Variants in RAPGEFL1 observed in about 807,000 individuals in gnomAD.
RAPGEFL1 encodes Rap guanine nucleotide exchange factor like 1.
In RAPGEFL1, 31 loss-of-function variants were observed where a neutral mutation model predicts 64.4. The ratio of observed to expected loss-of-function variants is 0.48; its 90% confidence interval spans 0.36 to 0.65. RAPGEFL1 has a LOEUF of 0.65. Among genes scored for constraint, RAPGEFL1 ranks in the 30% least tolerant of loss-of-function variants. The probability of loss-of-function intolerance (pLI) is 0.00; values close to 1 mark genes in which losing one functional copy is unlikely to be tolerated. For synonymous variants in RAPGEFL1, 331 were observed against 274.1 expected (o/e 1.21, Z -2.05); for missense variants, 682 against 677.4 (o/e 1.01, Z -0.08).
chr17:40,183,835 C>CTTTTTTTTT (rs34505274), intron 2 of RAPGEFL1, among the ~76,000 whole-genome samples: 1 of 56,880 alleles, frequency 1.8e-5, no homozygotes, highest in Non-Finnish European at 3.1e-5. Context: ...TTTTTTTTGC[C>CTTTTTTTTT]TTTTTTTTTT....
At chr17:40,186,720 C>A (rs1221780697) in intron 4 of RAPGEFL1, among the ~76,000 whole-genome samples, 6 of 149,424 alleles carry the variant, frequency 4.0e-5, no homozygotes, top group Non-Finnish European at 7.4e-5. Context: ...ACGGTGAAAC[C>A]CTGTCTGTAC....
intron 4 of RAPGEFL1, among the ~76,000 whole-genome samples, chr17:40,188,250 C>T (rs1188410447): frequency 6.6e-6 from 1 of 152,060 alleles, no homozygotes; most frequent in Non-Finnish European, 1.5e-5. Context: ...CTCCAAGGCC[C>T]AGGTCAAATG....
At chr17:40,185,041 G>A (rs1990019224) in intron 4 of RAPGEFL1, among the ~76,000 whole-genome samples, 1 of 152,066 alleles carries the variant, frequency 6.6e-6, no homozygotes, top group Non-Finnish European at 1.5e-5. Flanking sequence ...CTCCCAAAGT[G>A]CTGGGATTAC....
At chr17:40,187,102 C>G (rs1990103913) in intron 4 of RAPGEFL1, among the ~76,000 whole-genome samples, 2 of 152,062 alleles carry the variant, frequency 1.3e-5, no homozygotes, top group South Asian at 4.2e-4. Context: ...GCCACCACAC[C>G]TGGCCTGACT....
rs200106334 is a variant in RAPGEFL1, at chr17:40,184,258, G to T, written c.644G>T (p.Arg215Leu). The T allele has an allele frequency of 6.8e-6, 11 of 1,613,470 alleles. No homozygotes were observed. The highest frequency in any genetic ancestry group is 9.3e-6 in the Non-Finnish European group (11 of 1,179,880). The change falls in exon 3 of 15, where the codon CGG becomes CTG. Residue 215 changes from arginine to leucine, a missense_variant. Coordinates refer to ENST00000620260, the MANE Select transcript of RAPGEFL1 (RefSeq NM_016339.6). Reference sequence around the variant, plus strand: ...ATGGAGGGCCCTGAAGGGCTGGGCCGGAAGCAAGCCTGTCTAGCCATGCTT... The same window carrying T: ...ATGGAGGGCCCTGAAGGGCTGGGCCTGAAGCAAGCCTGTCTAGCCATGCTT... ...GGMEGPEGLGRKQACLAMLLH... is the reference protein window; with the variant it reads ...GGMEGPEGLGLKQACLAMLLH...
chr17:40,189,433 G>C, intron 6 of RAPGEFL1, 58 bp downstream of exon 6: 1 of 1,581,124 alleles, frequency 6.3e-7, no homozygotes, highest in Non-Finnish European at 8.6e-7. Context: ...CAAGCTCAGG[G>C]CTCTGGGGGA....
intron 6 of RAPGEFL1, among the ~76,000 whole-genome samples, chr17:40,190,104 T>C (rs1459005423): frequency 6.6e-6 from 1 of 152,144 alleles, no homozygotes; most frequent in Admixed American, 6.6e-5. Flanking sequence ...AGACACAGGA[T>C]GAGTGGGAAG....
At chr17:40,188,821 A>G in intron 4 of RAPGEFL1, 45 bp from the exon 5 acceptor site, 1 of 1,504,012 alleles carries the variant, frequency 6.6e-7, no homozygotes, top group African/African-American at 1.4e-5. Context: ...TTGGTTGTCC[A>G]TATGCCTGGC....
rs1990239457 is a variant in RAPGEFL1 at position 40,190,890 on chromosome 17, C to T, written c.1335+128C>T. The T allele has an allele frequency of 7.1e-6, 10 of 1,412,188 alleles. No individual in the cohort carries two copies. The Admixed American group carries it at 1.1e-4, about 16-fold the overall frequency. The allele number at this position is 1,412,188 out of a possible 1,614,324, so 87.5% of individuals were successfully genotyped here. A position where few individuals can be genotyped will look rare whatever the true frequency, so the allele number is the denominator to read the frequency against. ...AGCAAGCCCTTGGGCAACGCATGGCCGTAACCTTTGTTCCCCCATCTGAAA... is the reference window on the plus strand; with the variant it reads ...AGCAAGCCCTTGGGCAACGCATGGCTGTAACCTTTGTTCCCCCATCTGAAA... On this transcript the variant is annotated intron_variant, in intron 8 of 14. Transcript: ENST00000620260.
chr17:40,192,730 C>A, intron 12 of RAPGEFL1, 37 bp downstream of exon 12: 1 of 1,570,900 alleles, frequency 6.4e-7, no homozygotes, highest in Non-Finnish European at 8.8e-7. Context: ...CGCTTCCACC[C>A]ATGCTTCCCT....
chr17:40,185,154 A>C (rs1484153648), intron 4 of RAPGEFL1, among the ~76,000 whole-genome samples: 2 of 152,072 alleles, frequency 1.3e-5, no homozygotes. Flanking sequence ...TTTTTTGTCC[A>C]TTCTCCCATT....
chr17:40,192,371 G>A (rs1203845489), intron 11 of RAPGEFL1, 108 bp downstream of exon 11: 3 of 1,269,206 alleles, frequency 2.4e-6, no homozygotes, highest in Non-Finnish European at 3.4e-6. Context: ...TTAGTGTATG[G>A]GACCCCCCAC....
intron 12 of RAPGEFL1, 47 bp from the exon 13 acceptor site, chr17:40,192,879 T>G (rs1256499024): frequency 2.6e-6 from 4 of 1,534,650 alleles, no homozygotes; most frequent in South Asian, 1.1e-5. Flanking sequence ...CCTTTCGAAC[T>G]CCTCTCTTAT....
rs200439930 is a variant in RAPGEFL1, at chr17:40,193,310, G to A, written c.1810-53G>A. ...AGAATGGCGGAGGGGGAGCATAAGA[G>A]GGGGAGCCTCTTTCTGTGCCCCTTT... is the stretch of plus-strand genomic sequence containing the variant. On this transcript the variant is annotated intron_variant, in intron 13 of 14. Transcript: ENST00000620260. 8.9e-6 allele frequency: 14 copies of A among 1,578,846 alleles called. No individual in the cohort carries two copies. The African/African-American group carries it at 1.1e-4, about 12-fold the overall frequency.
In RAPGEFL1 at chr17:40,193,413, C is replaced by T. The variant is rs371157305; in HGVS notation, c.1860C>T (p.Pro620=). ...CAATCCGCAAATACCGGAGCCGGCCCCTTTGTGAGTACCCAGGGTACTGAG... is the reference window on the plus strand; with the variant it reads ...CAATCCGCAAATACCGGAGCCGGCCTCTTTGTGAGTACCCAGGGTACTGAG... ...VRTIRKYRSR[P]LCLDMEASPN... The change falls in exon 14 of 15, where the codon CCC becomes CCT. Residue 620 remains proline, a synonymous_variant. Transcript: ENST00000620260. 6.2e-7 allele frequency: 1 copy of T among 1,614,024 alleles called. No individual in the cohort carries two copies. The highest frequency in any genetic ancestry group is 8.5e-7 in the Non-Finnish European group (1 of 1,180,040).
chr17:40,177,332 CA>C (rs1350781067), upstream of RAPGEFL1: 1 of 701,176 alleles, frequency 1.4e-6, no homozygotes, highest in South Asian at 1.5e-5. Flanking sequence ...GCTTAGAACC[CA>C]AGTCCCTTAC....
intron 2 of RAPGEFL1, among the ~76,000 whole-genome samples, chr17:40,183,166 A>G (rs1409168984): frequency 1.3e-5 from 2 of 152,088 alleles, no homozygotes; most frequent in African/African-American, 4.8e-5. Flanking sequence ...AAATAAATAA[A>G]TAAATAAAAG....
intron 3 of RAPGEFL1, 49 bp from the exon 4 acceptor site, chr17:40,184,532 C>A (rs775363600): frequency 2.3e-6 from 3 of 1,282,982 alleles, no homozygotes; most frequent in Admixed American, 2.2e-5. Flanking sequence ...AGAGAGTAGC[C>A]CTTGGAATGA....
intron 1 of RAPGEFL1, 50 bp downstream of exon 1, chr17:40,178,431 C>T (rs958708646): frequency 2.1e-6 from 1 of 468,802 alleles, no homozygotes; most frequent in Admixed American, 4.1e-5. Context: ...GGCCCCGGCT[C>T]CTCTTCCTTG....
Sources: gnomAD v4.1 joint callset for allele counts (sites outside exome capture counted in the v4.1 genomes callset) on GRCh38, gnomAD v4.1.1 for gene constraint, MANE v1.5 for transcripts, NCBI Gene and HGNC (gene_info 2026-07-23, HGNC 2026-07-21) for gene names.